SCN11A: variants seen among roughly 807,000 people sequenced by gnomAD.
The protein encoded by SCN11A is sodium channel protein type 11 subunit alpha.
Under a neutral mutation model 162.2 loss-of-function variants are expected in SCN11A, and 122 were observed. The ratio of observed to expected loss-of-function variants is 0.75; its 90% CI spans 0.65 to 0.87. The LOEUF is 0.87. Among genes scored for constraint, SCN11A ranks in the 40% least tolerant of loss-of-function variants. SCN11A has a pLI of 0.00. For synonymous variants in SCN11A, 758 were observed against 751.5 expected (o/e 1.01, Z -0.14); for missense variants, 2,015 against 2,181.6 (o/e 0.92, Z 1.52).
chr3:39,008,146 A>C (rs1000992064), intron 2 of SCN11A, among the ~76,000 whole-genome samples: 1 of 152,248 alleles, frequency 6.6e-6, no homozygotes, highest in Non-Finnish European at 1.5e-5. Flanking sequence ...ATGTAGAGTA[A>C]CAGGATCAGT....
chr3:39,005,301 C>T (rs142159303), intron 2 of SCN11A, among the ~76,000 whole-genome samples: 156 of 152,286 alleles, frequency 1.0e-3, no homozygotes, highest in African/African-American at 3.6e-3. Flanking sequence ...GAGTATAAAA[C>T]AGTATAAAAC....
chr3:38,881,224 T>C (rs2065304220), intron 22 of SCN11A, among the ~76,000 whole-genome samples: 1 of 152,186 alleles, frequency 6.6e-6, no homozygotes, highest in Non-Finnish European at 1.5e-5. Flanking sequence ...CCATCCTACA[T>C]GCTCCCATGT....
At chr3:39,041,007 G>A (rs962066501) in intron 1 of SCN11A, among the ~76,000 whole-genome samples, 5 of 152,146 alleles carry the variant, frequency 3.3e-5, no homozygotes, top group South Asian at 2.1e-4. Context: ...GTGTGAACCC[G>A]GGAGGAGAAG....
Position 38,920,064 on chromosome 3 carries a change from T to C in SCN11A, c.893-63A>G, listed in dbSNP as rs544030749. 3.2e-6 allele frequency: 4 copies of C among 1,235,512 alleles called. No individual in the cohort carries two copies. The African/African-American group carries it at 6.0e-5, about 19-fold the overall frequency. The allele number at this position is 1,235,512 out of a possible 1,614,324, so 76.5% of individuals were successfully genotyped here. On this transcript the variant is annotated intron_variant, in intron 10 of 29. Transcript: ENST00000302328. ...AAAACATTGAAAGGAAAGAGAATAG[T>C]AAGTATGCAGATTATGCTTGAAAAT...
At position 38,909,159 on chromosome 3, in the gene SCN11A, G is replaced by A; in HGVS notation, c.1137C>T (p.Phe379=). The part of the protein sequence containing the change: ...LRTTGLYSVF[F]FIVVIFLGSF... The stretch of plus-strand genomic sequence containing the variant: ...AGCCCAGGAAAATGACCACAATGAA[G>A]AAGAAGACTGAGTAGAGCCCAGTAG... The change falls in exon 13 of 30, where the codon TTC becomes TTT. Residue 379 remains phenylalanine, a synonymous_variant. Transcript: ENST00000302328. 1 of 1,614,116 alleles carries A rather than the reference G, an allele frequency of 6.2e-7. No individual in the cohort carries two copies. Among genetic ancestry groups the A allele is most frequent in the Non-Finnish European group, 8.5e-7 (1 of 1,179,980 alleles).
chr3:38,880,397 A>G (rs985243941), intron 22 of SCN11A, among the ~76,000 whole-genome samples: 1 of 152,124 alleles, frequency 6.6e-6, no homozygotes, highest in Non-Finnish European at 1.5e-5. Context: ...ACATCTTCCT[A>G]ATGGATCAGC....
chr3:38,917,264 C>T (rs2065974067), intron 11 of SCN11A, among the ~76,000 whole-genome samples: 1 of 152,220 alleles, frequency 6.6e-6, no homozygotes. Flanking sequence ...GGCAATTCCT[C>T]AAAGACCTAA....
At chr3:38,964,431 G>A (rs2066768655) in intron 2 of SCN11A, among the ~76,000 whole-genome samples, 1 of 152,196 alleles carries the variant, frequency 6.6e-6, no homozygotes, top group Non-Finnish European at 1.5e-5. Context: ...AGGTCTTTAG[G>A]AGCATGCATC....
intron 19 of SCN11A, among the ~76,000 whole-genome samples, chr3:38,889,977 A>G (rs530365566): frequency 6.6e-6 from 1 of 152,066 alleles, no homozygotes; most frequent in African/African-American, 2.4e-5. Context: ...GTTATGGAAA[A>G]AAAAAAAAGC....
chr3:38,926,677 C>A, intron 8 of SCN11A, 126 bp downstream of exon 8: 1 of 980,240 alleles, frequency 1.0e-6, no homozygotes, highest in Non-Finnish European at 1.5e-6. Context: ...CAACACAGCA[C>A]TCAGAGCTCT....
At chr3:38,945,021 TAAC>T (rs2066495342) in intron 7 of SCN11A, among the ~76,000 whole-genome samples, 1 of 152,090 alleles carries the variant, frequency 6.6e-6, no homozygotes, top group Admixed American at 6.6e-5. Context: ...TGAACTCCCA[TAAC>T]AATTTTTTAC....
At chr3:39,008,362 G>C (rs1328761084) in intron 2 of SCN11A, among the ~76,000 whole-genome samples, 2 of 152,096 alleles carry the variant, frequency 1.3e-5, no homozygotes, top group African/African-American at 4.8e-5. Flanking sequence ...TTCACAGAAA[G>C]CTACTGCAGG....
At chr3:38,998,655 C>G (rs1485887180) in intron 2 of SCN11A, among the ~76,000 whole-genome samples, 4 of 152,012 alleles carry the variant, frequency 2.6e-5, no homozygotes, top group Non-Finnish European at 5.9e-5. Flanking sequence ...TTGGAACCAA[C>G]CCAAATGTCC....
At chr3:38,949,694 A>G (rs1575327688) in intron 5 of SCN11A, among the ~76,000 whole-genome samples, 1 of 152,212 alleles carries the variant, frequency 6.6e-6, no homozygotes, top group Non-Finnish European at 1.5e-5. Context: ...TAGGAACATC[A>G]GGCATTATTT....
rs2066501834 is a variant in SCN11A, at chr3:38,945,449, A to G, written c.450T>C (p.Pro150=). ...TATTGTTACTGTTGCTGTTTTTAGC[A>G]GGCCCTGTAGCCATGAACACGCAGT... ...IINCVFMATG[P]AKNSNSNNTD... is the part of the protein sequence containing the mutation. Residue 150 remains proline, a synonymous_variant, in exon 7 of 30, where the codon CCT becomes CCC. Transcript: ENST00000302328. 3.1e-6 allele frequency: 5 copies of G among 1,606,964 alleles called. No individual in the cohort carries two copies. The highest frequency in any genetic ancestry group is 1.3e-5 in the African/African-American group (1 of 74,920).
Position 38,896,904 on chromosome 3 carries a change from C to T in SCN11A, c.2344G>A (p.Ala782Thr), listed in dbSNP as rs1434033397. ...NMWECMQEAN[A>T]SSSLCVIVFI... ...ACAATAACACACAATGATGATGATG[C>T]ATTCGCTTCTTGCATACATTCCCAC... Residue 782 changes from alanine (A) to threonine (T), a missense_variant, in exon 18 of 30, where the codon GCA becomes ACA. Ala to Thr is a moderately conservative substitution (Grantham distance 58). Transcript: ENST00000302328. 19 of 1,612,664 alleles carry T rather than the reference C, an allele frequency of 1.2e-5. No individual in the cohort carries two copies. The highest frequency in any genetic ancestry group is 1.5e-5 in the Non-Finnish European group (18 of 1,179,622).
chr3:38,895,468 G>A (rs191010639), intron 18 of SCN11A, among the ~76,000 whole-genome samples: 147 of 152,302 alleles, frequency 9.7e-4, no homozygotes, highest in African/African-American at 3.4e-3. Flanking sequence ...CAAGCCAAGC[G>A]AGTTGGACCA....
At chr3:39,047,386 T>A (rs1405855493) in intron 1 of SCN11A, among the ~76,000 whole-genome samples, 1 of 151,916 alleles carries the variant, frequency 6.6e-6, no homozygotes, top group African/African-American at 2.4e-5. Flanking sequence ...ACGAAATGGA[T>A]TAAAAACCTA....
chr3:38,850,327 G>C (rs2064754150), intron 29 of SCN11A, 154 bp downstream of exon 29: 1 of 654,826 alleles, frequency 1.5e-6, no homozygotes, highest in Non-Finnish European at 2.6e-6. Context: ...CTTCCCAGTA[G>C]AGAATGGCAT....
Sources: gnomAD v4.1 joint callset for allele counts (sites outside exome capture counted in the v4.1 genomes callset) on GRCh38, gnomAD v4.1.1 for gene constraint, MANE v1.5 for transcripts, NCBI Gene and HGNC (gene_info 2026-07-23, HGNC 2026-07-21) for gene names.